Variants in SLC35F4 observed in about 807,000 individuals in gnomAD.
SLC35F4 encodes the protein solute carrier family 35 member F4, also known as chromosome 14 open reading frame 36.
In SLC35F4, 24 loss-of-function variants were observed where a neutral mutation model predicts 44.2. That is an observed-to-expected ratio of 0.54 (90% CI 0.39 to 0.76). The LOEUF (loss-of-function observed/expected upper bound fraction) is 0.76. Ranked by LOEUF, SLC35F4 falls within the 30% of genes least tolerant of loss-of-function variation. The pLI is 0.00. For synonymous variants in SLC35F4, 238 were observed against 223.6 expected, an observed-to-expected ratio of 1.06 and a Z score of -0.57; for missense variants, 562 against 586.1, an observed-to-expected ratio of 0.96 and a Z score of 0.42.
In SLC35F4 at chr14:57,572,028, T is replaced by C; in HGVS notation, c.808-9A>G. On this transcript the variant is annotated splice_polypyrimidine_tract_variant and intron_variant, in intron 4 of 7. Coordinates refer to ENST00000556826, the MANE Select transcript of SLC35F4 (RefSeq NM_001306087.2). ...ATTATTGCAGCAACTATCTGTCAAA[T>C]AGGATGCAAAGAAACAGAAAAGCAA... 1 of 1,606,140 alleles carries C rather than the reference T, an allele frequency of 6.2e-7. No individual in the cohort carries two copies. The highest frequency in any genetic ancestry group is 1.7e-5 in the Admixed American group (1 of 59,132).
At chr14:57,654,812 A>G (rs1355768940) in intron 1 of SLC35F4, among the ~76,000 whole-genome samples, 2 of 152,222 alleles carry the variant, frequency 1.3e-5, no homozygotes, top group Non-Finnish European at 2.9e-5. Flanking sequence ...ATTTTGAGGT[A>G]CTAGAAGTTA....
At chr14:57,590,676 G>A (rs901695629) in intron 2 of SLC35F4, among the ~76,000 whole-genome samples, 7 of 152,146 alleles carry the variant, frequency 4.6e-5, no homozygotes, top group South Asian at 2.1e-4. Context: ...AAACAGGAGC[G>A]GAGGTCATTC....
At chr14:57,656,065 C>T (rs2140218641) in intron 1 of SLC35F4, among the ~76,000 whole-genome samples, 1 of 152,148 alleles carries the variant, frequency 6.6e-6, no homozygotes. Context: ...TTGCCCTTCC[C>T]TCCAGAGCAA....
At position 57,581,171 on chromosome 14, in the gene SLC35F4, T is replaced by C. The variant is rs17093366; in HGVS notation, c.807+43A>G. 54,117 of 1,471,828 alleles carry C rather than the reference T, an allele frequency of 0.037. 10,561 individuals are homozygous for C. The African/African-American group carries it at 0.54, about 15-fold the overall frequency. 91.2% of individuals were successfully genotyped at this position (1,471,828 alleles called of 1,614,324 possible). On this transcript the variant is annotated intron_variant, in intron 4 of 7. Coordinates refer to ENST00000556826, the MANE Select transcript of SLC35F4 (RefSeq NM_001306087.2). ...AGGCTCTCCTGAAGCCAAGGAGTTA[T>C]GAAAAAGGCAGGCATCGCGCATTGA...
chr14:57,980,725 C>T (rs964953726), intron 1 of SLC35F4, among the ~76,000 whole-genome samples: 2 of 151,992 alleles, frequency 1.3e-5, no homozygotes, highest in Non-Finnish European at 2.9e-5. Flanking sequence ...CAAAATGGTA[C>T]CTACTAACTA....
chr14:57,856,124 T>C (rs10138202), intron 1 of SLC35F4, among the ~76,000 whole-genome samples: 46,093 of 151,482 alleles, frequency 0.3, 10,882 homozygotes, highest in African/African-American at 0.65. Context: ...CTCCTGTCTC[T>C]ACCTCCCGAG....
chr14:57,657,016 G>A (rs150459707), intron 1 of SLC35F4, among the ~76,000 whole-genome samples: 4 of 152,308 alleles, frequency 2.6e-5, no homozygotes, highest in East Asian at 1.9e-4. Context: ...GCACTTACAC[G>A]TGGCAGGTCT....
At chr14:57,620,663 C>T (rs892845223) in intron 1 of SLC35F4, among the ~76,000 whole-genome samples, 1 of 152,112 alleles carries the variant, frequency 6.6e-6, no homozygotes, top group African/African-American at 2.4e-5. Flanking sequence ...GTGGGTTTGT[C>T]ATAGATAGCT....
intron 1 of SLC35F4, among the ~76,000 whole-genome samples, chr14:57,689,273 G>A (rs1269333863): frequency 6.6e-6 from 1 of 151,950 alleles, no homozygotes; most frequent in Non-Finnish European, 1.5e-5. Flanking sequence ...TTACCCCCAG[G>A]CCATTCACCC....
intron 1 of SLC35F4, among the ~76,000 whole-genome samples, chr14:57,679,260 G>A (rs2074806596): frequency 6.6e-6 from 1 of 152,028 alleles, no homozygotes; most frequent in Non-Finnish European, 1.5e-5. Context: ...CGAACAACCT[G>A]CTCCTGAATG....
chr14:57,788,897 G>C (rs1163330626), intron 1 of SLC35F4, among the ~76,000 whole-genome samples: 1 of 152,114 alleles, frequency 6.6e-6, no homozygotes, highest in Non-Finnish European at 1.5e-5. Flanking sequence ...TAAACAACCT[G>C]CTCCTGAATG....
chr14:57,779,136 T>G (rs1346290774), intron 1 of SLC35F4, among the ~76,000 whole-genome samples: 2 of 151,776 alleles, frequency 1.3e-5, no homozygotes, highest in Non-Finnish European at 2.9e-5. Flanking sequence ...ATAACCAAAA[T>G]CAGAGCTGAA....
chr14:57,723,664 C>T (rs959897671), intron 1 of SLC35F4, among the ~76,000 whole-genome samples: 5 of 152,260 alleles, frequency 3.3e-5, no homozygotes, highest in South Asian at 2.1e-4. Flanking sequence ...ATAAGGCCCA[C>T]CGGAAGTAAT....
intron 1 of SLC35F4, among the ~76,000 whole-genome samples, chr14:57,642,134 A>G (rs567188297): frequency 1.3e-5 from 2 of 152,154 alleles, no homozygotes; most frequent in South Asian, 4.1e-4. Flanking sequence ...CCATTAATAA[A>G]TAAAATAGCA....
At chr14:57,650,448 C>T (rs868720506) in intron 1 of SLC35F4, among the ~76,000 whole-genome samples, 2 of 152,138 alleles carry the variant, frequency 1.3e-5, no homozygotes, top group Non-Finnish European at 2.9e-5. Flanking sequence ...ACACCCCTGT[C>T]ATCTAATTCA....
chr14:57,880,004 AG>A (rs1888487015), intron 1 of SLC35F4, among the ~76,000 whole-genome samples: 1 of 145,592 alleles, frequency 6.9e-6, no homozygotes, highest in African/African-American at 2.6e-5. Context: ...GGAAGGAAAG[AG>A]AAGGGAAAGG....
chr14:57,843,004 G>A (rs116435647), intron 1 of SLC35F4, among the ~76,000 whole-genome samples: 538 of 152,270 alleles, frequency 3.5e-3, no homozygotes, highest in African/African-American at 0.013. Context: ...TCGAACATCA[G>A]TCTCCAATTT....
chr14:57,617,970 A>G (rs1362289683), intron 1 of SLC35F4, among the ~76,000 whole-genome samples: 2 of 152,210 alleles, frequency 1.3e-5, no homozygotes, highest in Non-Finnish European at 2.9e-5. Context: ...TGCCATCTAA[A>G]TCTAGTAGAG....
At chr14:57,653,419 G>A (rs975490983) in intron 1 of SLC35F4, among the ~76,000 whole-genome samples, 3 of 152,176 alleles carry the variant, frequency 2.0e-5, no homozygotes, top group African/African-American at 4.8e-5. Context: ...GGGGAGTAAT[G>A]GAGTCTGTGT....
Sources: gnomAD v4.1 joint callset for allele counts (sites outside exome capture counted in the v4.1 genomes callset) on GRCh38, gnomAD v4.1.1 for gene constraint, MANE v1.5 for transcripts, NCBI Gene and HGNC (gene_info 2026-07-23, HGNC 2026-07-21) for gene names.